Variants in CAPSL observed in about 807,000 individuals in gnomAD.
CAPSL encodes calcyphosine like.
A neutral mutation model predicts 21.3 loss-of-function variants in CAPSL; 17 were observed. The observed-to-expected ratio is 0.80, with a 90% CI of 0.55 to 1.20. The LOEUF is 1.20. Ranked by LOEUF, CAPSL falls within the 50% of genes most tolerant of loss-of-function variation. CAPSL has a pLI of 0.00. For synonymous variants in CAPSL, 102 were observed against 89.3 expected (o/e 1.14, Z -0.80); for missense variants, 289 against 259.3 (o/e 1.11, Z -0.79).
chr5:35,917,617 CA>C (rs1296065033), intron 2 of CAPSL, among the ~76,000 whole-genome samples: 1 of 151,940 alleles, frequency 6.6e-6, no homozygotes, highest in Non-Finnish European at 1.5e-5. Context: ...ATTGCAAGGA[CA>C]AAAAACCAAA....
rs991677139 is a variant in CAPSL, at chr5:35,938,588, G to A, written c.-48C>T. 6.5e-6 allele frequency: 1 copy of A among 153,052 alleles called. No homozygotes were observed. The highest frequency in any genetic ancestry group is 2.4e-5 in the African/African-American group (1 of 41,380). The allele number at this position is 153,052 out of a possible 1,614,324, so 9.5% of individuals were successfully genotyped here. ...CCAGTTGCTTCGAACTGAAACTATG[G>A]ACGCTGTCTCCTGCATCTAGGAAAA... On this transcript the variant is annotated 5_prime_UTR_variant, in exon 1 of 5. Coordinates refer to ENST00000651391, the MANE Select transcript of CAPSL (RefSeq NM_001042625.2).
At chr5:35,915,080 A>T (rs1738337521) in intron 2 of CAPSL, among the ~76,000 whole-genome samples, 1 of 152,232 alleles carries the variant, frequency 6.6e-6, no homozygotes. Context: ...TACTATAAAC[A>T]CTTCTATGCA....
intron 4 of CAPSL, among the ~76,000 whole-genome samples, chr5:35,904,926 G>A (rs1033847781): frequency 8.5e-5 from 13 of 152,118 alleles, no homozygotes; most frequent in African/African-American, 2.2e-4. Flanking sequence ...GGAGCCCGTC[G>A]GTTCAGGTAA....
chr5:35,917,291 T>A (rs2149922929), intron 2 of CAPSL, among the ~76,000 whole-genome samples: 1 of 152,282 alleles, frequency 6.6e-6, no homozygotes, highest in East Asian at 1.9e-4. Context: ...GTTCAACCAT[T>A]GTGGAAGTCA....
At chr5:35,922,379 C>T (rs1738561672) in intron 1 of CAPSL, among the ~76,000 whole-genome samples, 2 of 152,132 alleles carry the variant, frequency 1.3e-5, no homozygotes, top group Non-Finnish European at 2.9e-5. Context: ...TTCTTGCAGC[C>T]TCCACCGAGC....
intron 1 of CAPSL, among the ~76,000 whole-genome samples, chr5:35,935,537 G>A (rs960857876): frequency 6.6e-6 from 1 of 151,864 alleles, no homozygotes; most frequent in East Asian, 1.9e-4. Context: ...ATCTTGCTAT[G>A]TTGCCCAGGC....
intron 1 of CAPSL, among the ~76,000 whole-genome samples, chr5:35,935,710 G>A (rs932327493): frequency 1.3e-5 from 2 of 151,756 alleles, no homozygotes; most frequent in African/African-American, 4.9e-5. Context: ...TGACCTTATG[G>A]TACCTCCAGA....
At chr5:35,910,592 T>A (rs1244736188) in intron 2 of CAPSL, 49 bp from the exon 3 acceptor site, 3 of 1,356,334 alleles carry the variant, frequency 2.2e-6, no homozygotes, top group Non-Finnish European at 2.0e-6. Flanking sequence ...AAATAACAGG[T>A]GTAAGTGTAA....
At chr5:35,916,402 GC>G (rs1738386653) in intron 2 of CAPSL, among the ~76,000 whole-genome samples, 1 of 152,132 alleles carries the variant, frequency 6.6e-6, no homozygotes, top group African/African-American at 2.4e-5. Context: ...AGCCCACATT[GC>G]CAAGACAATC....
chr5:35,918,104 C>A lies in CAPSL; in HGVS notation c.137+2880G>T, dbSNP rs62351987. Among the ~76,000 whole-genome samples, 229 of 152,234 alleles carry A rather than the reference C, an allele frequency of 1.5e-3. 1 individual carries two copies. The highest frequency in any genetic ancestry group is 3.4e-3 in the Middle Eastern group (1 of 294). ...CCATTTGACCCCACAATCCCATTAC[C>A]GGATATATACCTAAAGGATTATAGA... is the stretch of plus-strand genomic sequence containing the variant. On this transcript the variant is annotated intron_variant, in intron 2 of 4. Coordinates refer to ENST00000651391, the MANE Select transcript of CAPSL (RefSeq NM_001042625.2).
At chr5:35,910,253 A>T (rs552359343) in intron 3 of CAPSL, 113 bp downstream of exon 3, 59 of 1,245,246 alleles carry the variant, frequency 4.7e-5, no homozygotes, top group South Asian at 4.5e-5. Flanking sequence ...TTTTCTGCTT[A>T]TCCCCCTCCC....
At chr5:35,919,779 T>C (rs904227155) in intron 2 of CAPSL, among the ~76,000 whole-genome samples, 1 of 152,178 alleles carries the variant, frequency 6.6e-6, no homozygotes, top group African/African-American at 2.4e-5. Flanking sequence ...TGGCACATTC[T>C]GCAAAAGGCT....
At chr5:35,915,000 A>G (rs1738334541) in intron 2 of CAPSL, among the ~76,000 whole-genome samples, 1 of 152,228 alleles carries the variant, frequency 6.6e-6, no homozygotes, top group South Asian at 2.1e-4. Context: ...AGAATCAAAT[A>G]GACACAATAA....
intron 1 of CAPSL, among the ~76,000 whole-genome samples, chr5:35,922,715 C>T (rs900201186): frequency 2.0e-5 from 3 of 152,208 alleles, no homozygotes; most frequent in Non-Finnish European, 4.4e-5. Context: ...GCAGCCAAGA[C>T]TGTGCCCTTC....
intron 1 of CAPSL, among the ~76,000 whole-genome samples, chr5:35,924,562 A>G (rs1222756762): frequency 6.6e-6 from 1 of 152,110 alleles, no homozygotes; most frequent in East Asian, 1.9e-4. Context: ...ATTCAAGGGG[A>G]AAAAAGTCCA....
At chr5:35,934,462 A>G (rs1044825723) in intron 1 of CAPSL, among the ~76,000 whole-genome samples, 4 of 152,208 alleles carry the variant, frequency 2.6e-5, no homozygotes, top group Admixed American at 6.5e-5. Flanking sequence ...TCTGTGCTAC[A>G]AGAGGTCGAC....
intron 2 of CAPSL, among the ~76,000 whole-genome samples, chr5:35,919,171 ATAT>A (rs1297995331): frequency 1.5e-3 from 94 of 64,272 alleles, no homozygotes; most frequent in African/African-American, 4.4e-3. Context: ...AAAAAAAAAA[ATAT>A]ATATATATAT....
intron 1 of CAPSL, among the ~76,000 whole-genome samples, chr5:35,924,403 A>C (rs1036841412): frequency 1.1e-4 from 17 of 152,216 alleles, no homozygotes; most frequent in African/African-American, 3.4e-4. Context: ...AGAATCTCAA[A>C]GCACAGTTTG....
At chr5:35,932,975 C>T (rs568324382) in intron 1 of CAPSL, among the ~76,000 whole-genome samples, 64 of 152,296 alleles carry the variant, frequency 4.2e-4, no homozygotes, top group Middle Eastern at 3.4e-3. Flanking sequence ...GGCCCTCCAC[C>T]TGGTTTTGTA....
Sources: allele counts gnomAD v4.1 joint callset (sites outside exome capture counted in the v4.1 genomes callset), GRCh38; gene constraint gnomAD v4.1.1; transcripts MANE v1.5; gene names NCBI Gene and HGNC (gene_info 2026-07-23, HGNC 2026-07-21).